Variants in NTRK3 observed in about 807,000 individuals in gnomAD.
The protein encoded by NTRK3 is neurotrophic receptor tyrosine kinase 3.
NTRK3 carries 24 observed loss-of-function variants against 91.7 expected under a neutral mutation model. The observed-to-expected ratio is 0.26, with a 90% CI of 0.19 to 0.37. The LOEUF (loss-of-function observed/expected upper bound fraction) is 0.37, where lower values mean the gene tolerates loss of function less well. NTRK3 is among the 10% of genes least tolerant of loss of function. The pLI is 1.00. For synonymous variants in NTRK3, 483 were observed against 404.0 expected, an observed-to-expected ratio of 1.20 and a Z score of -2.34; for missense variants, 880 against 1,068.9, an observed-to-expected ratio of 0.82 and a Z score of 2.46.
At chr15:88,034,388 C>T (rs1403961700) in intron 13 of NTRK3, among the ~76,000 whole-genome samples, 1 of 152,160 alleles carries the variant, frequency 6.6e-6, no homozygotes, top group African/African-American at 2.4e-5. Flanking sequence ...CTCAAAAAGC[C>T]CAAGATGGCA....
chr15:88,033,176 T>TTATATATATA lies in NTRK3; in HGVS notation c.1397-141_1397-132dup, dbSNP rs149279639. 6.7e-3 allele frequency: 1,317 copies of TTATATATATA among 195,576 alleles called. 37 individuals are homozygous for TTATATATATA. Among genetic ancestry groups the TTATATATATA allele is most frequent in the African/African-American group, 0.019 (312 of 16,192 alleles). 12.1% of individuals were successfully genotyped at this position (195,576 alleles called of 1,614,324 possible). On this transcript the variant is annotated intron_variant, in intron 13 of 18. Transcript: ENST00000394480. ...CTTTTTTTTACTTTTGGGGGGTGTG[T>TTATATATATA]TATATATATATATATATATATATAT...
chr15:88,041,824 T>TAAAA (rs35696268), intron 13 of NTRK3, among the ~76,000 whole-genome samples: 18 of 90,110 alleles, frequency 2.0e-4, no homozygotes, highest in South Asian at 5.5e-4. Context: ...AAGTCCCTCA[T>TAAAA]AAAAAAAAAA....
At chr15:88,121,313 A>G (rs1289229071) in intron 13 of NTRK3, among the ~76,000 whole-genome samples, 2 of 152,196 alleles carry the variant, frequency 1.3e-5, no homozygotes, top group African/African-American at 2.4e-5. Context: ...GGATGTGGAC[A>G]GTGTGCAGCC....
In NTRK3 at chr15:88,189,758, T is replaced by G. The variant is rs2047240930; in HGVS notation, c.249-5459A>C. Among the ~76,000 whole-genome samples the G allele has an allele frequency of 3.3e-5, 5 of 152,188 alleles. No individual in the cohort carries two copies. The South Asian group carries it at 1.0e-3, about 32-fold the overall frequency. ...CATTGCCAACCAGATGGTACTTTTG[T>G]ACCCCAGTTTTCTCTTCTTCCTTCT... is the stretch of plus-strand genomic sequence containing the variant. On this transcript the variant is annotated intron_variant, in intron 3 of 18. Transcript: ENST00000394480.
At chr15:88,175,692 T>A (rs2045932103) in intron 5 of NTRK3, among the ~76,000 whole-genome samples, 1 of 152,230 alleles carries the variant, frequency 6.6e-6, no homozygotes, top group Non-Finnish European at 1.5e-5. Flanking sequence ...GTCATTGTTA[T>A]GGGCCAGACA....
intron 7 of NTRK3, among the ~76,000 whole-genome samples, 178 bp downstream of exon 7, chr15:88,137,226 A>AG (rs2041959230): frequency 6.6e-6 from 1 of 152,234 alleles, no homozygotes; most frequent in Non-Finnish European, 1.5e-5. Context: ...ACAAAGGGAC[A>AG]GGAATGACCA....
chr15:88,135,174 G>T (rs2151190669), exon 10 of NTRK3: 1 of 1,614,230 alleles, frequency 6.2e-7, no homozygotes, highest in Non-Finnish European at 8.5e-7. Flanking sequence ...TGGCAATGAG[G>T]GTATAGTTGC....
At chr15:88,161,631 G>A (rs1264395790) in intron 5 of NTRK3, among the ~76,000 whole-genome samples, 1 of 152,168 alleles carries the variant, frequency 6.6e-6, no homozygotes, top group Non-Finnish European at 1.5e-5. Flanking sequence ...CCACTAGCAT[G>A]GAGGAGAGCA....
At chr15:87,941,858 A>T (rs762998152) in intron 14 of NTRK3, among the ~76,000 whole-genome samples, 16 of 152,322 alleles carry the variant, frequency 1.1e-4, no homozygotes, top group South Asian at 1.0e-3. Flanking sequence ...AGCAAACAGG[A>T]GATTACTCAC....
intron 6 of NTRK3, among the ~76,000 whole-genome samples, chr15:88,139,668 G>A (rs1016271027): frequency 9.9e-5 from 15 of 152,174 alleles, no homozygotes; most frequent in Admixed American, 7.9e-4. Context: ...ACAACCCTGG[G>A]AGATGGTCAG....
chr15:88,247,574 T>C (rs1415181565), intron 3 of NTRK3, among the ~76,000 whole-genome samples: 1 of 152,334 alleles, frequency 6.6e-6, no homozygotes, highest in Non-Finnish European at 1.5e-5. Context: ...GCCTAGCGAA[T>C]ACATCATTGC....
At chr15:88,064,875 C>G (rs1321380118) in intron 13 of NTRK3, among the ~76,000 whole-genome samples, 1 of 152,176 alleles carries the variant, frequency 6.6e-6, no homozygotes, top group Admixed American at 6.5e-5. Flanking sequence ...AGTTTCCTGA[C>G]AGTTGAGAGG....
At chr15:88,195,674 T>C (rs1438188055) in intron 3 of NTRK3, among the ~76,000 whole-genome samples, 3 of 152,212 alleles carry the variant, frequency 2.0e-5, no homozygotes, top group African/African-American at 7.2e-5. Context: ...CTAGGCATCT[T>C]AGCTTTGAAC....
At position 88,186,123 on chromosome 15, in the gene NTRK3, C is replaced by A. The variant is rs182440529; in HGVS notation, c.249-1824G>T. On this transcript the variant is annotated intron_variant, in intron 3 of 18. Coordinates refer to ENST00000394480, the Ensembl canonical transcript of NTRK3. ...GTGCCACCAGGTCCCCCAGTGTATT[C>A]CCCGGGTTTTGTAAATTACCAAGTA... Among the ~76,000 whole-genome samples, 4 of 152,282 alleles carry A rather than the reference C, an allele frequency of 2.6e-5. No individual in the cohort carries two copies. In the East Asian group the frequency reaches 7.7e-4, roughly 29 times the overall value.
intron 14 of NTRK3, among the ~76,000 whole-genome samples, chr15:87,997,815 C>T (rs2075812884): frequency 6.6e-6 from 1 of 152,174 alleles, no homozygotes; most frequent in African/African-American, 2.4e-5. Context: ...TTGTAGAGAC[C>T]CCAAAGCTCA....
chr15:87,874,798 T>C (rs553260611), exon 19 of NTRK3: 1 of 231,720 alleles, frequency 4.3e-6, no homozygotes, highest in East Asian at 6.1e-5. Flanking sequence ...AACGGTCCTC[T>C]AGGTGGAAAG....
chr15:88,029,909 C>A (rs2078375380), intron 14 of NTRK3, among the ~76,000 whole-genome samples: 1 of 152,218 alleles, frequency 6.6e-6, no homozygotes, highest in Non-Finnish European at 1.5e-5. Context: ...GCCTGGGTCC[C>A]CTTTCACCCT....
intron 17 of NTRK3, among the ~76,000 whole-genome samples, chr15:87,906,399 T>G (rs1203188324): frequency 2.6e-5 from 4 of 152,106 alleles, no homozygotes; most frequent in Non-Finnish European, 5.9e-5. Flanking sequence ...AGTCAGAGAT[T>G]AAGGGACTTT....
At chr15:88,159,993 C>CACACA (rs944163127) in intron 5 of NTRK3, among the ~76,000 whole-genome samples, 2 of 143,536 alleles carry the variant, frequency 1.4e-5, no homozygotes, top group African/African-American at 5.3e-5. Context: ...CACACACACA[C>CACACA]ATTGCTTGAA....
Sources: allele counts gnomAD v4.1 joint callset (sites outside exome capture counted in the v4.1 genomes callset), GRCh38; gene constraint gnomAD v4.1.1; transcripts MANE v1.5; gene names NCBI Gene and HGNC (gene_info 2026-07-23, HGNC 2026-07-21).